Variants in RABGAP1L observed in about 807,000 individuals in gnomAD.
The protein encoded by RABGAP1L is rab GTPase-activating protein 1-like.
Under a neutral mutation model 137.7 loss-of-function variants are expected in RABGAP1L, and 63 were observed. That is an observed-to-expected ratio of 0.46 (90% confidence interval 0.37 to 0.56). The LOEUF is 0.56. Among genes scored for constraint, RABGAP1L ranks in the 20% least tolerant of loss-of-function variants. RABGAP1L has a pLI of 0.00. For missense variants in RABGAP1L, 1,095 were observed against 1,244.0 expected (o/e 0.88, Z 1.80); for synonymous variants, 431 against 433.7 (o/e 0.99, Z 0.08).
At chr1:174,353,975 A>G (rs1171495887) in intron 11 of RABGAP1L, among the ~76,000 whole-genome samples, 1 of 152,220 alleles carries the variant, frequency 6.6e-6, no homozygotes, top group Non-Finnish European at 1.5e-5. Flanking sequence ...CTGAATGGAG[A>G]TATGAATGTG....
At chr1:174,350,085 G>T (rs1413621403) in intron 11 of RABGAP1L, among the ~76,000 whole-genome samples, 1 of 139,340 alleles carries the variant, frequency 7.2e-6, no homozygotes, top group Non-Finnish European at 1.6e-5. Flanking sequence ...GCTGGGCGGG[G>T]GGCTGACCCC....
At chr1:174,556,276 G>A (rs1285744892) in intron 13 of RABGAP1L, among the ~76,000 whole-genome samples, 3 of 152,060 alleles carry the variant, frequency 2.0e-5, no homozygotes, top group Non-Finnish European at 2.9e-5. Flanking sequence ...GATTACAGGC[G>A]TGAGCCACCA....
intron 1 of RABGAP1L, among the ~76,000 whole-genome samples, chr1:174,203,293 T>G (rs1668266503): frequency 6.6e-6 from 1 of 152,184 alleles, no homozygotes; most frequent in African/African-American, 2.4e-5. Context: ...TTGTATATGA[T>G]GTAAGGAAAT....
At chr1:174,709,606 T>C (rs1680320983) in intron 17 of RABGAP1L, among the ~76,000 whole-genome samples, 1 of 152,092 alleles carries the variant, frequency 6.6e-6, no homozygotes. Flanking sequence ...GAAGGAAAAC[T>C]AGCAAACAGA....
At chr1:174,273,114 A>G (rs911513359) in intron 8 of RABGAP1L, among the ~76,000 whole-genome samples, 1 of 152,086 alleles carries the variant, frequency 6.6e-6, no homozygotes, top group African/African-American at 2.4e-5. Flanking sequence ...TAATCATCTT[A>G]GAGTAAGTAT....
At chr1:174,502,747 C>T (rs538184597) in intron 13 of RABGAP1L, among the ~76,000 whole-genome samples, 23 of 150,366 alleles carry the variant, frequency 1.5e-4, no homozygotes, top group Non-Finnish European at 3.4e-4. Flanking sequence ...TATTTATATT[C>T]CAGAATATTC....
chr1:174,521,546 A>G (rs1480828582), intron 13 of RABGAP1L, among the ~76,000 whole-genome samples: 3 of 152,340 alleles, frequency 2.0e-5, no homozygotes, highest in Non-Finnish European at 4.4e-5. Flanking sequence ...GTCTTTCCCA[A>G]TGACCCTCCA....
At chr1:174,429,045 C>G (rs1411001942) in intron 13 of RABGAP1L, among the ~76,000 whole-genome samples, 2 of 151,886 alleles carry the variant, frequency 1.3e-5, no homozygotes, top group South Asian at 2.1e-4. Flanking sequence ...GGTTCTTTTT[C>G]TGGTGCTTTT....
chr1:174,171,291 ATTCT>A (rs1389023628), intron 1 of RABGAP1L, among the ~76,000 whole-genome samples: 3 of 152,148 alleles, frequency 2.0e-5, no homozygotes, highest in South Asian at 4.1e-4. Context: ...AATAATCACC[ATTCT>A]TTCTTTGTCC....
intron 18 of RABGAP1L, among the ~76,000 whole-genome samples, chr1:174,759,101 A>G (rs1685003488): frequency 6.6e-6 from 1 of 152,116 alleles, no homozygotes; most frequent in Non-Finnish European, 1.5e-5. Context: ...AATATTGGAT[A>G]CCTATGAAGT....
At chr1:174,616,785 G>C (rs924973161) in intron 13 of RABGAP1L, among the ~76,000 whole-genome samples, 7 of 152,212 alleles carry the variant, frequency 4.6e-5, no homozygotes, top group African/African-American at 1.4e-4. Flanking sequence ...AGTTCTGTTA[G>C]ACCAGTAATT....
chr1:174,188,270 GC>G (rs1267393257), intron 1 of RABGAP1L, among the ~76,000 whole-genome samples: 3 of 152,134 alleles, frequency 2.0e-5, no homozygotes, highest in African/African-American at 7.2e-5. Context: ...AAATTCTCGT[GC>G]TGAAATGATC....
chr1:174,487,542 G>T (rs533134405), intron 13 of RABGAP1L, among the ~76,000 whole-genome samples: 80 of 152,072 alleles, frequency 5.3e-4, no homozygotes, highest in African/African-American at 1.9e-3. Context: ...TTTCTTGTAG[G>T]CAACAGATCA....
At chr1:174,799,934 A>G (rs760160482) in intron 18 of RABGAP1L, 427 of 6,682 alleles carry the variant, frequency 0.064, 2 homozygotes, top group Middle Eastern at 0.15. Context: ...TTTCTCGCAC[A>G]CACACACACA....
chr1:174,203,457 T>C (rs1452784593), intron 1 of RABGAP1L, among the ~76,000 whole-genome samples: 1 of 152,218 alleles, frequency 6.6e-6, no homozygotes, highest in African/African-American at 2.4e-5. Context: ...TTTTGTTCCA[T>C]TGGTCTATGT....
intron 13 of RABGAP1L, among the ~76,000 whole-genome samples, chr1:174,632,468 G>A (rs1052447419): frequency 6.7e-6 from 1 of 149,402 alleles, no homozygotes; most frequent in Non-Finnish European, 1.5e-5. Context: ...AGTTCTCCTG[G>A]ATAATATCCT....
intron 14 of RABGAP1L, among the ~76,000 whole-genome samples, chr1:174,674,300 C>G (rs1381076853): frequency 7.1e-6 from 1 of 141,252 alleles, no homozygotes; most frequent in African/African-American, 2.6e-5. Flanking sequence ...CATGTGTTCT[C>G]ATTGTTCAAT....
Position 174,754,407 on chromosome 1 carries a change from C to G in RABGAP1L, c.2211+2053C>G, listed in dbSNP as rs552493170. Among the ~76,000 whole-genome samples, 6 of 152,174 alleles carry G rather than the reference C, an allele frequency of 3.9e-5. No individual in the cohort carries two copies. The South Asian group carries it at 1.2e-3, about 32-fold the overall frequency. Reference sequence around the variant, plus strand: ...ACTTTCAGCTTCTAGTGTAGTATACCAGATAAAATAATATGTATTTGTTTA... The same window carrying G: ...ACTTTCAGCTTCTAGTGTAGTATACGAGATAAAATAATATGTATTTGTTTA... On this transcript the variant is annotated intron_variant, in intron 18 of 25. Coordinates refer to ENST00000681986, the MANE Select transcript of RABGAP1L (RefSeq NM_001366446.1).
At chr1:174,573,500 A>G (rs1016154893) in intron 13 of RABGAP1L, among the ~76,000 whole-genome samples, 1 of 152,104 alleles carries the variant, frequency 6.6e-6, no homozygotes, top group Non-Finnish European at 1.5e-5. Context: ...ATATTTTGTG[A>G]TTTAAAAATA....
Sources: allele counts gnomAD v4.1 joint callset (sites outside exome capture counted in the v4.1 genomes callset), GRCh38; gene constraint gnomAD v4.1.1; transcripts MANE v1.5; gene names NCBI Gene and HGNC (gene_info 2026-07-23, HGNC 2026-07-21).